Variants in BCL11B observed in about 807,000 individuals in gnomAD.
BCL11B encodes the protein B-cell lymphoma/leukemia 11B.
In BCL11B, 8 loss-of-function variants were observed where a neutral mutation model predicts 49.9. The ratio of observed to expected loss-of-function variants is 0.16; its 90% CI spans 0.09 to 0.29. The LOEUF (loss-of-function observed/expected upper bound fraction) is 0.29. BCL11B is among the 10% of genes least tolerant of loss of function. The probability of loss-of-function intolerance (pLI) is 1.00; values close to 1 mark genes in which losing one functional copy is unlikely to be tolerated. For synonymous variants in BCL11B, 739 were observed against 637.4 expected, an observed-to-expected ratio of 1.16 and a Z score of -2.40; for missense variants, 1,006 against 1,351.0, an observed-to-expected ratio of 0.74 and a Z score of 4.00.
rs1181779397 is a variant in BCL11B, at chr14:99,229,043, CATGGATGG to C, written c.640+2294_640+2301del. On this transcript the variant is annotated intron_variant, in intron 3 of 3. Coordinates refer to ENST00000357195, the MANE Select transcript of BCL11B (RefSeq NM_138576.4). ...GGATGGATGGATGGATGGATGGATG[CATGGATGG>C]ATGGATGGATGGATGGATGGATGGA... Among the ~76,000 whole-genome samples, 580 of 104,830 alleles carry C rather than the reference CATGGATGG, an allele frequency of 5.5e-3. 5 individuals carry two copies. The highest frequency in any genetic ancestry group is 0.021 in the Admixed American group (226 of 10,842). 68.8% of individuals were successfully genotyped at this position (104,830 alleles called of 152,430 possible).
intron 2 of BCL11B, among the ~76,000 whole-genome samples, chr14:99,246,474 G>A (rs926488021): frequency 3.9e-5 from 6 of 152,226 alleles, no homozygotes; most frequent in Admixed American, 3.9e-4. Flanking sequence ...GCAGGCCTGG[G>A]AACAGTGCCG....
intron 3 of BCL11B, among the ~76,000 whole-genome samples, chr14:99,207,177 A>G (rs890285991): frequency 6.6e-6 from 1 of 152,194 alleles, no homozygotes; most frequent in Admixed American, 6.5e-5. Flanking sequence ...TATGATTCTC[A>G]TTCTTTCACC....
rs1207944433 is a variant in BCL11B, at chr14:99,241,683, T to C, written c.428-10126A>G. ...GCTGTAGGGGGGACGATGTCGCTTT[T>C]TTCCCCCTTCCCTAAGTGCATTTTA... On this transcript the variant is annotated intron_variant, in intron 2 of 3. Transcript: ENST00000357195. This position sits in a 1 kb window ranked among gnomAD's most constrained non-coding sequence, Gnocchi z 4.4. Among the ~76,000 whole-genome samples, 1 of 152,038 alleles carries C rather than the reference T, an allele frequency of 6.6e-6. No homozygotes were observed. The highest frequency in any genetic ancestry group is 1.5e-5 in the Non-Finnish European group (1 of 68,014).
At chr14:99,260,774 G>A (rs903644439) in intron 1 of BCL11B, among the ~76,000 whole-genome samples, 8 of 151,942 alleles carry the variant, frequency 5.3e-5, no homozygotes, top group Admixed American at 1.3e-4. Flanking sequence ...GGTGTCCAAA[G>A]CCGTTTGCTG....
Position 99,170,904 on chromosome 14 carries a change from A to G in BCL11B, c.*3247T>C, listed in dbSNP as rs564558514. The G allele has an allele frequency of 1.7e-5, 4 of 232,588 alleles. No homozygotes were observed. Among genetic ancestry groups the G allele is most frequent in the Middle Eastern group, 1.3e-3 (1 of 784 alleles). The allele number at this position is 232,588 out of a possible 1,614,324, so 14.4% of individuals were successfully genotyped here. ...TTTGTTTCACAATTTCTCAAGGACT[A>G]AAGCAGCTCAGTTTGCATTGCTTTC... On this transcript the variant is annotated 3_prime_UTR_variant, in exon 4 of 4. Coordinates refer to ENST00000357195, the MANE Select transcript of BCL11B (RefSeq NM_138576.4).
chr14:99,205,503 G>T lies in BCL11B; in HGVS notation c.640+25842C>A, dbSNP rs988180382. 1.3e-5 allele frequency among the ~76,000 whole-genome samples: 2 copies of T among 152,200 alleles called. No individual in the cohort carries two copies. Among genetic ancestry groups the T allele is most frequent in the Non-Finnish European group, 1.5e-5 (1 of 68,038 alleles). The stretch of plus-strand genomic sequence containing the variant: ...TCGCTACACCAGCATGCCAGGAAAG[G>T]GGAGGAGCGACGTGAGGACCTCCTG... On this transcript the variant is annotated intron_variant, in intron 3 of 3. Coordinates refer to ENST00000357195, the MANE Select transcript of BCL11B (RefSeq NM_138576.4). The surrounding 1 kb of genome is among the most constrained non-coding windows in gnomAD (Gnocchi z 5.0).
intron 3 of BCL11B, among the ~76,000 whole-genome samples, chr14:99,183,553 G>T: frequency 6.6e-6 from 1 of 152,102 alleles, no homozygotes; most frequent in Admixed American, 6.6e-5. Flanking sequence ...CTTCGGCCAA[G>T]TTGCTGGACA....
rs1888891409 is a variant in BCL11B at position 99,247,840 on chromosome 14, C to A, written c.427+9631G>T. Among the ~76,000 whole-genome samples, 1 of 152,230 alleles carries A rather than the reference C, an allele frequency of 6.6e-6. No homozygotes were observed. The highest frequency in any genetic ancestry group is 2.4e-5 in the African/African-American group (1 of 41,462). The stretch of plus-strand genomic sequence containing the variant: ...CTGCACCTTTGAGGTTGTGTCCACA[C>A]CCGCAACCTGAAGGCCATGGAAGCT... On this transcript the variant is annotated intron_variant, in intron 2 of 3. Transcript: ENST00000357195. This position sits in a 1 kb window ranked among gnomAD's most constrained non-coding sequence, Gnocchi z 4.5.
At chr14:99,268,759 G>T (rs1284245617) in intron 1 of BCL11B, among the ~76,000 whole-genome samples, 2 of 152,156 alleles carry the variant, frequency 1.3e-5, no homozygotes, top group African/African-American at 2.4e-5. Context: ...CCTGGGCTCC[G>T]TGTGCCCCTC....
chr14:99,195,409 G>A lies in BCL11B; in HGVS notation c.641-19214C>T, dbSNP rs937670840. Among the ~76,000 whole-genome samples the A allele has an allele frequency of 1.3e-5, 2 of 152,062 alleles. No individual in the cohort carries two copies. The highest frequency in any genetic ancestry group is 2.9e-5 in the Non-Finnish European group (2 of 68,016). ...CAGATGAGACCAGAATGCTGCAGGC[G>A]AATGGTGCACCCAGCATTCTATCCT... On this transcript the variant is annotated intron_variant, in intron 3 of 3. Coordinates refer to ENST00000357195, the MANE Select transcript of BCL11B (RefSeq NM_138576.4). The surrounding 1 kb of genome is among the most constrained non-coding windows in gnomAD (Gnocchi z 4.7).
At position 99,174,163 on chromosome 14, in the gene BCL11B, G is replaced by A. The variant is rs1390298213; in HGVS notation, c.2673C>T (p.Ala891=). 5 of 1,612,390 alleles carry A rather than the reference G, an allele frequency of 3.1e-6. No homozygotes were observed. The highest frequency in any genetic ancestry group is 4.2e-6 in the Non-Finnish European group (5 of 1,179,966). Reference sequence around the variant, plus strand: ...GGGGCCCGCGCGCTTAGCTCCTCTCGGCCTGCTCGATTTTGACGTCGTTAG... The same window carrying A: ...GGGGCCCGCGCGCTTAGCTCCTCTCAGCCTGCTCGATTTTGACGTCGTTAG... ...LLTNDVKIEQ[A]ERS is the part of the protein sequence containing the mutation. The change falls in exon 4 of 4, where the codon GCC becomes GCT. Residue 891 remains alanine, a synonymous_variant. Coordinates refer to ENST00000357195, the MANE Select transcript of BCL11B (RefSeq NM_138576.4).
In BCL11B at chr14:99,174,656, A is replaced by G. The variant is rs1293647850; in HGVS notation, c.2180T>C (p.Leu727Pro). Reference sequence around the variant, plus strand: ...CGACTGTCGTGCGTCCGTGAAGCCCAGGAAGGGGTCCTTCATGAAGTGCCG... The same window carrying G: ...CGACTGTCGTGCGTCCGTGAAGCCCGGGAAGGGGTCCTTCATGAAGTGCCG... ...ASRHFMKDPFLGFTDARQSPF... is the reference protein window; with the variant it reads ...ASRHFMKDPFPGFTDARQSPF... Residue 727 changes from leucine to proline, a missense_variant, in exon 4 of 4, where the codon CTG becomes CCG. Leu to Pro is a moderately conservative substitution (Grantham distance 98). Transcript: ENST00000357195. The G allele has an allele frequency of 1.3e-6, 2 of 1,579,994 alleles. No individual in the cohort carries two copies. The highest frequency in any genetic ancestry group is 4.8e-5 in the East Asian group (2 of 41,712).
Position 99,232,028 on chromosome 14 carries a change from G to C in BCL11B, c.428-471C>G, listed in dbSNP as rs1044991871. On this transcript the variant is annotated intron_variant, in intron 2 of 3. Transcript: ENST00000357195. The surrounding 1 kb of genome is among the most constrained non-coding windows in gnomAD (Gnocchi z 5.1). ...CAGGATGGGCTGTTCCTACAGGCCCGGGACACCTTGGGTCCGCCTCCAGCC... is the reference window on the plus strand; with the variant it reads ...CAGGATGGGCTGTTCCTACAGGCCCCGGACACCTTGGGTCCGCCTCCAGCC... Among the ~76,000 whole-genome samples, 3 of 152,244 alleles carry C rather than the reference G, an allele frequency of 2.0e-5. No homozygotes were observed. The highest frequency in any genetic ancestry group is 7.2e-5 in the African/African-American group (3 of 41,548).
intron 1 of BCL11B, among the ~76,000 whole-genome samples, chr14:99,260,150 G>A (rs1056616645): frequency 5.3e-5 from 8 of 152,056 alleles, no homozygotes; most frequent in African/African-American, 1.9e-4. Context: ...TAGAGAGAGA[G>A]GCACAAAAGA....
At chr14:99,259,295 A>G (rs1889269788) in intron 1 of BCL11B, among the ~76,000 whole-genome samples, 1 of 152,218 alleles carries the variant, frequency 6.6e-6, no homozygotes, top group Non-Finnish European at 1.5e-5. Flanking sequence ...AAGTTATTGA[A>G]GTGCCAGAGC....
chr14:99,188,238 G>C (rs1320119364), intron 3 of BCL11B, among the ~76,000 whole-genome samples: 1 of 152,190 alleles, frequency 6.6e-6, no homozygotes, highest in Non-Finnish European at 1.5e-5. Flanking sequence ...GAGAATGTTT[G>C]AATATTTAAA....
intron 3 of BCL11B, among the ~76,000 whole-genome samples, chr14:99,186,610 CAA>C (rs1886861018): frequency 6.6e-6 from 1 of 152,128 alleles, no homozygotes; most frequent in Non-Finnish European, 1.5e-5. Flanking sequence ...ACTCCAGACT[CAA>C]AGAAAGGAAG....
intron 3 of BCL11B, among the ~76,000 whole-genome samples, chr14:99,196,375 CAG>C (rs1443491220): frequency 3.3e-5 from 5 of 152,244 alleles, no homozygotes; most frequent in Admixed American, 1.3e-4. Context: ...CTGAAAAAAA[CAG>C]GGGCTGGGGG....
At chr14:99,256,115 C>A (rs971513297) in intron 2 of BCL11B, among the ~76,000 whole-genome samples, 2 of 152,244 alleles carry the variant, frequency 1.3e-5, no homozygotes, top group African/African-American at 4.8e-5. Context: ...CAGCATTACC[C>A]TGACTGCGTC....
Sources: gnomAD v4.1 joint callset for allele counts (sites outside exome capture counted in the v4.1 genomes callset) on GRCh38, gnomAD v4.1.1 for gene constraint, Gnocchi (gnomAD v3.1) non-coding constraint, MANE v1.5 for transcripts, NCBI Gene and HGNC (gene_info 2026-07-23, HGNC 2026-07-21) for gene names.